Variants in CSMD3 observed in about 807,000 individuals in gnomAD.
CSMD3 encodes CUB and Sushi multiple domains 3, also known as CUB and sushi domain-containing protein 3.
CSMD3 carries 177 observed loss-of-function variants against 435.2 expected under a neutral mutation model. That is an observed-to-expected ratio of 0.41 (90% CI 0.36 to 0.46). The LOEUF is 0.46. CSMD3 is among the 20% of genes least tolerant of loss of function. The pLI, the probability that CSMD3 is intolerant of heterozygous loss-of-function variation, is 0.34. For synonymous variants in CSMD3, 1,656 were observed against 1,520.5 expected, an observed-to-expected ratio of 1.09 and a Z score of -2.07; for missense variants, 4,265 against 4,504.6, an observed-to-expected ratio of 0.95 and a Z score of 1.52.
chr8:113,365,497 A>G (rs1284877134), intron 1 of CSMD3, among the ~76,000 whole-genome samples: 1 of 152,094 alleles, frequency 6.6e-6, no homozygotes, highest in East Asian at 1.9e-4. Context: ...CTTTGGTCAG[A>G]ATGAAACTCA....
rs200786108 is a variant in CSMD3, at chr8:112,372,995, T to G, written c.6136+7357A>C. Among the ~76,000 whole-genome samples, 151 of 115,290 alleles carry G rather than the reference T, an allele frequency of 1.3e-3. 1 individual carries two copies. In the East Asian group the frequency reaches 0.03, roughly 23 times the overall value. 75.6% of individuals were successfully genotyped at this position (115,290 alleles called of 152,430 possible). A position where few individuals can be genotyped will look rare whatever the true frequency, so the allele number is the denominator to read the frequency against. Reference sequence around the variant, plus strand: ...AATATATATATATATATTTATATTTTATATATAAAAATATATATATATATA... The same window carrying G: ...AATATATATATATATATTTATATTTGATATATAAAAATATATATATATATA... On this transcript the variant is annotated intron_variant, in intron 38 of 70. Transcript: ENST00000297405.
chr8:112,234,194 G>A (rs1311057807), intron 68 of CSMD3, among the ~76,000 whole-genome samples, 171 bp downstream of exon 68: 3 of 151,172 alleles, frequency 2.0e-5, no homozygotes, highest in Non-Finnish European at 4.4e-5. Context: ...AAACACATCA[G>A]AATCCAGTAT....
chr8:112,376,463 T>G (rs1563861045), intron 38 of CSMD3, among the ~76,000 whole-genome samples: 2 of 152,136 alleles, frequency 1.3e-5, no homozygotes, highest in Non-Finnish European at 2.9e-5. Flanking sequence ...AGTAAAAAAT[T>G]AATTACTTGC....
At chr8:113,176,243 A>G (rs2092344888) in intron 3 of CSMD3, among the ~76,000 whole-genome samples, 1 of 152,134 alleles carries the variant, frequency 6.6e-6, no homozygotes, top group African/African-American at 2.4e-5. Context: ...TCATCTTCAT[A>G]TAGAGAAATA....
intron 17 of CSMD3, among the ~76,000 whole-genome samples, chr8:112,664,542 T>C (rs1414302567): frequency 6.6e-6 from 1 of 152,184 alleles, no homozygotes; most frequent in African/African-American, 2.4e-5. Context: ...CAAATGAATG[T>C]AAATGAAAAT....
intron 12 of CSMD3, among the ~76,000 whole-genome samples, chr8:112,802,543 CT>C (rs2078983885): frequency 6.6e-6 from 1 of 151,914 alleles, no homozygotes; most frequent in Non-Finnish European, 1.5e-5. Context: ...AGCAGATTTC[CT>C]ATGATGCACA....
intron 6 of CSMD3, among the ~76,000 whole-genome samples, chr8:112,983,025 A>G (rs1283777503): frequency 1.3e-5 from 2 of 152,142 alleles, no homozygotes; most frequent in Non-Finnish European, 2.9e-5. Context: ...ATGTTTTCTC[A>G]AATAAGAGTA....
chr8:113,211,784 T>C (rs866302612), intron 3 of CSMD3, among the ~76,000 whole-genome samples: 5 of 152,194 alleles, frequency 3.3e-5, no homozygotes, highest in East Asian at 3.9e-4. Context: ...CAGCTCTGAA[T>C]AGCCATGGCA....
chr8:112,843,916 T>G (rs927088189), intron 11 of CSMD3, among the ~76,000 whole-genome samples: 35 of 152,046 alleles, frequency 2.3e-4, no homozygotes, highest in African/African-American at 7.7e-4. Flanking sequence ...TTTAAGCCAC[T>G]AAGTTTACAG....
chr8:112,278,553 T>C (rs142795816), intron 59 of CSMD3, among the ~76,000 whole-genome samples: 4 of 152,228 alleles, frequency 2.6e-5, no homozygotes, highest in African/African-American at 9.6e-5. Flanking sequence ...TCTTACTCTA[T>C]GACTATTGGT....
intron 1 of CSMD3, among the ~76,000 whole-genome samples, chr8:113,366,060 T>C (rs1397004271): frequency 6.6e-6 from 1 of 152,056 alleles, no homozygotes; most frequent in Non-Finnish European, 1.5e-5. Flanking sequence ...CTCCTAAGAC[T>C]GCATCTGTTT....
chr8:112,639,913 T>A (rs569529570), intron 20 of CSMD3, among the ~76,000 whole-genome samples: 1 of 152,272 alleles, frequency 6.6e-6, no homozygotes, highest in South Asian at 2.1e-4. Flanking sequence ...TGTGAACATA[T>A]GTGCTTTTTT....
chr8:112,706,449 T>G (rs891521026), intron 13 of CSMD3, among the ~76,000 whole-genome samples: 2 of 151,876 alleles, frequency 1.3e-5, no homozygotes, highest in Non-Finnish European at 2.9e-5. Flanking sequence ...ACAAAAAAGA[T>G]TATAACAGAA....
intron 31 of CSMD3, among the ~76,000 whole-genome samples, chr8:112,491,229 T>C (rs542514155): frequency 3.9e-5 from 6 of 152,304 alleles, no homozygotes; most frequent in East Asian, 1.9e-4. Context: ...CTGAAATTAA[T>C]AGTAAAAAAT....
chr8:113,290,933 TA>T (rs1236684454), intron 2 of CSMD3, among the ~76,000 whole-genome samples: 2 of 151,418 alleles, frequency 1.3e-5, no homozygotes, highest in Non-Finnish European at 3.0e-5. Context: ...CTATATGAAG[TA>T]TTTTTTTAAA....
chr8:112,675,196 T>A (rs527604729), intron 16 of CSMD3, among the ~76,000 whole-genome samples: 131 of 152,254 alleles, frequency 8.6e-4, no homozygotes, highest in African/African-American at 3.1e-3. Flanking sequence ...TTTATTCCTA[T>A]GGTTTTCCTT....
At chr8:112,625,298 CAA>C (rs1233219628) in intron 22 of CSMD3, among the ~76,000 whole-genome samples, 1 of 151,992 alleles carries the variant, frequency 6.6e-6, no homozygotes, top group Non-Finnish European at 1.5e-5. Context: ...CACATTACAT[CAA>C]GTCATCTCAA....
chr8:112,456,888 C>A (rs1586386671), intron 32 of CSMD3, among the ~76,000 whole-genome samples: 1 of 151,832 alleles, frequency 6.6e-6, no homozygotes, highest in Non-Finnish European at 1.5e-5. Context: ...GCAAAGAAAC[C>A]CAAAAGAGCT....
Position 112,223,208 on chromosome 8 carries a change from T to A in CSMD3, c.*1563A>T. 1 of 392,974 alleles carries A rather than the reference T, an allele frequency of 2.5e-6. No homozygotes were observed. 24.3% of individuals were successfully genotyped at this position (392,974 alleles called of 1,614,324 possible). On this transcript the variant is annotated 3_prime_UTR_variant, in exon 71 of 71. Coordinates refer to ENST00000297405, the MANE Select transcript of CSMD3 (RefSeq NM_198123.2). ...TTAAAACTGCATCCTGCCAGTAGAG[T>A]ACCATGTTGAGAAAATTGTATGAAT... is the stretch of plus-strand genomic sequence containing the variant.
Sources: allele counts gnomAD v4.1 joint callset (sites outside exome capture counted in the v4.1 genomes callset), GRCh38; gene constraint gnomAD v4.1.1; transcripts MANE v1.5; gene names NCBI Gene and HGNC (gene_info 2026-07-23, HGNC 2026-07-21).